The following MACROD2 variants were observed in gnomAD, a reference collection of about 807,000 sequenced individuals.
The protein encoded by MACROD2 is ADP-ribose glycohydrolase MACROD2.
MACROD2 carries 36 observed loss-of-function variants against 70.4 expected under a neutral mutation model. The ratio of observed to expected loss-of-function variants is 0.51; its 90% CI spans 0.39 to 0.68. The LOEUF (loss-of-function observed/expected upper bound fraction) is 0.68, where lower values mean the gene tolerates loss of function less well. Ranked by LOEUF, MACROD2 falls within the 30% of genes least tolerant of loss-of-function variation. The pLI is 0.00. For synonymous variants in MACROD2, 172 were observed against 178.8 expected (o/e 0.96, Z 0.30); for missense variants, 496 against 538.4 (o/e 0.92, Z 0.78).
intron 4 of MACROD2, among the ~76,000 whole-genome samples, chr20:14,496,728 G>T (rs972405134): frequency 6.7e-6 from 1 of 148,438 alleles, no homozygotes; most frequent in African/African-American, 2.6e-5. Flanking sequence ...GATCACTTCT[G>T]TTCATAGTTT....
intron 5 of MACROD2, among the ~76,000 whole-genome samples, chr20:15,087,148 G>GT (rs2075755050): frequency 1.3e-5 from 2 of 151,798 alleles, no homozygotes; most frequent in African/African-American, 4.8e-5. Context: ...TCAGTTAAAT[G>GT]GAAGCAGACA....
chr20:15,995,863 G>A (rs2066624382), intron 15 of MACROD2, among the ~76,000 whole-genome samples: 1 of 141,342 alleles, frequency 7.1e-6, no homozygotes, highest in Admixed American at 7.3e-5. Context: ...TGTGAGGTGT[G>A]TGTGTGTGTG....
chr20:15,587,304 C>T (rs1309302824), intron 8 of MACROD2, among the ~76,000 whole-genome samples: 2 of 152,150 alleles, frequency 1.3e-5, no homozygotes, highest in African/African-American at 4.8e-5. Flanking sequence ...ATTCAATTAC[C>T]TCTGGCTGGG....
intron 6 of MACROD2, among the ~76,000 whole-genome samples, chr20:15,290,464 T>C (rs1424522627): frequency 6.6e-6 from 1 of 152,216 alleles, no homozygotes; most frequent in Non-Finnish European, 1.5e-5. Flanking sequence ...TGTTTAAAGC[T>C]GATTCATTGG....
intron 4 of MACROD2, among the ~76,000 whole-genome samples, chr20:14,548,033 C>G (rs1389081146): frequency 1.3e-5 from 2 of 152,102 alleles, no homozygotes; most frequent in Non-Finnish European, 2.9e-5. Flanking sequence ...AAGGCCAACT[C>G]AGAATTAAAG....
At chr20:14,079,762 A>G (rs79704244) in intron 2 of MACROD2, among the ~76,000 whole-genome samples, 3,952 of 152,336 alleles carry the variant, frequency 0.026, 71 homozygotes, top group Middle Eastern at 0.054. Flanking sequence ...AGACAGTTTT[A>G]AGGCACAAAG....
At chr20:14,087,424 G>C (rs549426788) in intron 3 of MACROD2, among the ~76,000 whole-genome samples, 21 of 151,808 alleles carry the variant, frequency 1.4e-4, no homozygotes, top group African/African-American at 4.6e-4. Context: ...TTGGATGTCA[G>C]TTGCTTTGTA....
intron 3 of MACROD2, among the ~76,000 whole-genome samples, chr20:14,130,538 T>C (rs1057236752): frequency 1.3e-5 from 2 of 152,000 alleles, no homozygotes; most frequent in Non-Finnish European, 2.9e-5. Flanking sequence ...AGTGAGACTC[T>C]GTCTCAAAAA....
intron 7 of MACROD2, among the ~76,000 whole-genome samples, chr20:15,481,969 G>A (rs1600475964): frequency 6.6e-6 from 1 of 152,086 alleles, no homozygotes; most frequent in Non-Finnish European, 1.5e-5. Flanking sequence ...AACAGCATTG[G>A]GGGGTTTGTG....
chr20:15,061,351 C>T (rs1460633086), intron 5 of MACROD2, among the ~76,000 whole-genome samples: 1 of 152,202 alleles, frequency 6.6e-6, no homozygotes, highest in African/African-American at 2.4e-5. Context: ...TGTTCATGCC[C>T]TTGGTGGCAT....
In MACROD2 at chr20:15,276,881, A is replaced by G. The variant is rs140438856; in HGVS notation, c.540+46820A>G. ...GAACAAACTAATAGTCTTTCAATGC[A>G]CTCAGTGATTGGCGTAATTTATCTT... On this transcript the variant is annotated intron_variant, in intron 6 of 17. Transcript: ENST00000684519. 1.6e-3 allele frequency among the ~76,000 whole-genome samples: 237 copies of G among 152,326 alleles called. 1 individual carries two copies. Among genetic ancestry groups the G allele is most frequent in the South Asian group, 5.2e-3 (25 of 4,828 alleles).
chr20:15,869,234 T>TAGAGAGAG (rs1198181652), intron 9 of MACROD2, among the ~76,000 whole-genome samples: 73 of 31,678 alleles, frequency 2.3e-3, no homozygotes, highest in East Asian at 4.3e-3. Flanking sequence ...TATATATATA[T>TAGAGAGAG]ATATAGAGAG....
At chr20:15,940,259 CTT>C (rs35217675) in intron 12 of MACROD2, among the ~76,000 whole-genome samples, 362 of 144,058 alleles carry the variant, frequency 2.5e-3, no homozygotes, top group Middle Eastern at 3.5e-3. Context: ...CCTGGCTCTT[CTT>C]TTTTTTTTTT....
At chr20:14,586,158 A>G (rs1335551189) in intron 4 of MACROD2, among the ~76,000 whole-genome samples, 2 of 152,088 alleles carry the variant, frequency 1.3e-5, no homozygotes, top group East Asian at 1.9e-4. Context: ...GTGAGAAACA[A>G]TATGTATATT....
At chr20:14,249,660 T>C (rs528107650) in intron 3 of MACROD2, among the ~76,000 whole-genome samples, 2 of 152,262 alleles carry the variant, frequency 1.3e-5, no homozygotes, top group South Asian at 4.1e-4. Flanking sequence ...TGTTGTCATA[T>C]TGAGTTTGTT....
At chr20:14,460,332 A>G in intron 3 of MACROD2, among the ~76,000 whole-genome samples, 1 of 151,926 alleles carries the variant, frequency 6.6e-6, no homozygotes, top group East Asian at 1.9e-4. Flanking sequence ...ACTAATTTAC[A>G]CTCCCACCAA....
intron 8 of MACROD2, among the ~76,000 whole-genome samples, chr20:15,715,246 A>G (rs6105458): frequency 0.47 from 71,152 of 151,972 alleles, 17,502 homozygotes; most frequent in Middle Eastern, 0.69. Context: ...ATCTGGCTGC[A>G]ATTCTTGTGC....
chr20:15,224,949 G>A (rs1442614085), intron 5 of MACROD2, among the ~76,000 whole-genome samples: 2 of 140,006 alleles, frequency 1.4e-5, no homozygotes, highest in African/African-American at 5.3e-5. Context: ...AACAGAGCGA[G>A]ACTTTGTCTT....
At chr20:14,110,088 G>T (rs1298727867) in intron 3 of MACROD2, among the ~76,000 whole-genome samples, 4 of 151,784 alleles carry the variant, frequency 2.6e-5, no homozygotes, top group African/African-American at 7.2e-5. Flanking sequence ...AAATCAATCA[G>T]TGTGATGCAT....
Sources: allele counts gnomAD v4.1 joint callset (sites outside exome capture counted in the v4.1 genomes callset), GRCh38; gene constraint gnomAD v4.1.1; transcripts MANE v1.5; gene names NCBI Gene and HGNC (gene_info 2026-07-23, HGNC 2026-07-21).